Variants in CELF2 observed in about 807,000 individuals in gnomAD.
The protein encoded by CELF2 is CUGBP Elav-like family member 2.
A neutral mutation model predicts 62.6 loss-of-function variants in CELF2; 8 were observed. That is an observed-to-expected ratio of 0.13 (90% confidence interval 0.07 to 0.23). CELF2 has a LOEUF of 0.23. CELF2 is among the 10% of genes least tolerant of loss of function. The pLI, the probability that CELF2 is intolerant of heterozygous loss-of-function variation, is 1.00. For missense variants in CELF2, 333 were observed against 671.0 expected, an observed-to-expected ratio of 0.50 and a Z score of 5.56; for synonymous variants, 258 against 250.0, an observed-to-expected ratio of 1.03 and a Z score of -0.30.
intron 3 of CELF2, among the ~76,000 whole-genome samples, chr10:11,228,031 G>A (rs1386073509): frequency 6.6e-6 from 1 of 152,180 alleles, no homozygotes; most frequent in Non-Finnish European, 1.5e-5. Flanking sequence ...GCTCAGTGTA[G>A]TCAAGAAGTC....
the CELF2 span, among the ~76,000 whole-genome samples, chr10:10,674,546 C>G: frequency 3.3e-5 from 5 of 152,152 alleles, no homozygotes; most frequent in Admixed American, 3.3e-4. Flanking sequence ...GGATTGCTGT[C>G]TACCATATTT....
chr10:11,058,328 C>G (rs895116772), intron 1 of CELF2, among the ~76,000 whole-genome samples: 2 of 152,164 alleles, frequency 1.3e-5, no homozygotes, highest in Non-Finnish European at 1.5e-5. Context: ...TAAGGAGTTA[C>G]ACTATATTTG....
chr10:10,937,402 T>G lies in CELF2; in HGVS notation c.89+17403T>G, dbSNP rs372757514. On this transcript the variant is annotated intron_variant, in intron 2 of 13. Coordinates refer to the CELF2 transcript ENST00000636488. Reference sequence around the variant, plus strand: ...CACCTTGGCCTCCCAAAGTGCTGGATTACAGGCATGAGCCACCGTGCCTGG... The same window carrying G: ...CACCTTGGCCTCCCAAAGTGCTGGAGTACAGGCATGAGCCACCGTGCCTGG... The G allele has an allele frequency of 2.6e-5, 4 of 152,340 alleles. No individual in the cohort carries two copies. The East Asian group carries it at 7.7e-4, about 29-fold the overall frequency. 9.4% of individuals were successfully genotyped at this position (152,340 alleles called of 1,614,324 possible).
At chr10:11,295,091 C>T (rs1195708937) in intron 9 of CELF2, among the ~76,000 whole-genome samples, 1 of 152,232 alleles carries the variant, frequency 6.6e-6, no homozygotes, top group African/African-American at 2.4e-5. Context: ...AAATTGTCTT[C>T]TTTGCTCGTG....
In CELF2 at chr10:11,165,076, C is replaced by A; in HGVS notation, c.75-410C>A. The stretch of plus-strand genomic sequence containing the variant: ...GCGGGGCAGGGAGAGGGAGAGAAAT[C>A]CAGCAGACATCTAGCTCTGCCTTTC... On this transcript the variant is annotated intron_variant, in intron 1 of 12. Coordinates refer to ENST00000633077, the MANE Select transcript of CELF2 (RefSeq NM_001326342.2). This position sits in a 1 kb window ranked among gnomAD's most constrained non-coding sequence, Gnocchi z 7.4. The A allele has an allele frequency of 2.0e-6, 2 of 992,714 alleles. No homozygotes were observed. Among genetic ancestry groups the A allele is most frequent in the South Asian group, 4.5e-5 (1 of 22,066 alleles). The allele number at this position is 992,714 out of a possible 1,614,324, so 61.5% of individuals were successfully genotyped here. A position where few individuals can be genotyped will look rare whatever the true frequency, so the allele number is the denominator to read the frequency against.
At chr10:10,950,245 G>A (rs2048170922) in intron 2 of CELF2, among the ~76,000 whole-genome samples, 1 of 152,126 alleles carries the variant, frequency 6.6e-6, no homozygotes, top group South Asian at 2.1e-4. Context: ...AACCCCAGAG[G>A]TCATTACTAA....
intron 5 of CELF2, among the ~76,000 whole-genome samples, chr10:11,264,457 T>G (rs183084180): frequency 4.7e-4 from 72 of 152,382 alleles, no homozygotes; most frequent in African/African-American, 1.6e-3. Flanking sequence ...TCTTCTTGAC[T>G]ATTAAAAACA....
chr10:11,304,787 G>A (rs1236805039), intron 9 of CELF2, among the ~76,000 whole-genome samples: 4 of 152,162 alleles, frequency 2.6e-5, no homozygotes, highest in Non-Finnish European at 4.4e-5. Context: ...AACACACATT[G>A]AAACCATAGC....
chr10:10,936,304 A>G lies in CELF2; in HGVS notation c.89+16305A>G, dbSNP rs1592138828. 1.3e-5 allele frequency among the ~76,000 whole-genome samples: 2 copies of G among 152,376 alleles called. No individual in the cohort carries two copies. Among genetic ancestry groups the G allele is most frequent in the South Asian group, 4.1e-4 (2 of 4,832 alleles). Reference sequence around the variant, plus strand: ...ACATAAAGATTGTCCAAGATCACAGAGTAATCTGCATAATTGTGCAAAAAT... The same window carrying G: ...ACATAAAGATTGTCCAAGATCACAGGGTAATCTGCATAATTGTGCAAAAAT... On this transcript the variant is annotated intron_variant, in intron 2 of 13. Coordinates refer to the CELF2 transcript ENST00000636488. The surrounding 1 kb of genome is among the most constrained non-coding windows in gnomAD (Gnocchi z 4.0).
chr10:10,691,950 T>G, the CELF2 span, among the ~76,000 whole-genome samples: 1 of 151,858 alleles, frequency 6.6e-6, no homozygotes, highest in Non-Finnish European at 1.5e-5. Context: ...TCTCCCATTT[T>G]GTAGGTTGCC....
In CELF2 at chr10:11,183,963, G is replaced by C. The variant is rs2074176315; in HGVS notation, c.271+18281G>C. Among the ~76,000 whole-genome samples the C allele has an allele frequency of 1.3e-5, 2 of 152,040 alleles. 1 individual carries two copies. Among genetic ancestry groups the C allele is most frequent in the African/African-American group, 4.8e-5 (2 of 41,400 alleles). On this transcript the variant is annotated intron_variant, in intron 2 of 12. Coordinates refer to ENST00000633077, the MANE Select transcript of CELF2 (RefSeq NM_001326342.2). ...TTCCTTCTTTTACTGATTGTGCTTT[G>C]GGTTTTATATCAAAGAAAACCTAAC...
intron 2 of CELF2, among the ~76,000 whole-genome samples, chr10:11,196,051 GT>G (rs1378681730): frequency 1.3e-4 from 20 of 151,700 alleles, no homozygotes; most frequent in African/African-American, 4.8e-4. Context: ...AAAAAAACTG[GT>G]CCCTTGAGAA....
the CELF2 span, among the ~76,000 whole-genome samples, chr10:10,530,043 C>G: frequency 6.6e-6 from 1 of 152,196 alleles, no homozygotes; most frequent in East Asian, 1.9e-4. Flanking sequence ...CATTCCCCTT[C>G]ACACACAAAT....
rs571387999 is a variant in CELF2, at chr10:11,239,290, A to G, written c.355-9863A>G. Among the ~76,000 whole-genome samples the G allele has an allele frequency of 2.6e-5, 4 of 152,266 alleles. No individual in the cohort carries two copies. The East Asian group carries it at 7.7e-4, about 29-fold the overall frequency. On this transcript the variant is annotated intron_variant, in intron 3 of 12. Transcript: ENST00000633077. ...TGTAAATAGGTGGTATCTTTACAGC[A>G]CAAAGGCTGATTTGGAGCCTGATAA...
intron 1 of CELF2, among the ~76,000 whole-genome samples, chr10:11,033,350 C>G (rs536846619): frequency 1.6e-3 from 244 of 152,040 alleles, no homozygotes; most frequent in African/African-American, 5.4e-3. Context: ...TTCCACCCCC[C>G]AGGTTCAAGC....
chr10:10,865,417 C>T (rs1321027686), intron 1 of CELF2, among the ~76,000 whole-genome samples: 3 of 152,130 alleles, frequency 2.0e-5, no homozygotes, highest in Non-Finnish European at 4.4e-5. Flanking sequence ...TATGAATTTG[C>T]TCCTGTTTAA....
At chr10:11,256,928 C>T (rs551590755) in intron 4 of CELF2, among the ~76,000 whole-genome samples, 56 of 152,088 alleles carry the variant, frequency 3.7e-4, no homozygotes, top group South Asian at 1.5e-3. Flanking sequence ...CTCCCGGTGG[C>T]TAGTACAGTA....
intron 1 of CELF2, among the ~76,000 whole-genome samples, chr10:10,904,558 C>T (rs558082468): frequency 6.6e-6 from 1 of 152,244 alleles, no homozygotes; most frequent in South Asian, 2.1e-4. Context: ...TAGAAGTCTA[C>T]CTCATTCTTT....
chr10:11,115,045 G>C (rs1440959821), intron 1 of CELF2, among the ~76,000 whole-genome samples: 1 of 152,192 alleles, frequency 6.6e-6, no homozygotes, highest in Non-Finnish European at 1.5e-5. Flanking sequence ...TGAATTTGAA[G>C]AATAAATACC....
Sources: gnomAD v4.1 joint callset for allele counts (sites outside exome capture counted in the v4.1 genomes callset) on GRCh38, gnomAD v4.1.1 for gene constraint, Gnocchi (gnomAD v3.1) non-coding constraint, MANE v1.5 for transcripts, NCBI Gene and HGNC (gene_info 2026-07-23, HGNC 2026-07-21) for gene names.